Variants in ARHGEF40 observed in about 807,000 individuals in gnomAD.
The protein encoded by ARHGEF40 is Rho guanine nucleotide exchange factor (GEF) 40.
A neutral mutation model predicts 165.9 loss-of-function variants in ARHGEF40; 98 were observed. The observed-to-expected ratio is 0.59, with a 90% confidence interval of 0.50 to 0.70. The LOEUF is 0.70. Ranked by LOEUF, ARHGEF40 falls within the 30% of genes least tolerant of loss-of-function variation. The probability of loss-of-function intolerance (pLI) is 0.00; values close to 1 mark genes in which losing one functional copy is unlikely to be tolerated. For synonymous variants in ARHGEF40, 792 were observed against 814.3 expected (o/e 0.97, Z 0.47); for missense variants, 1,815 against 1,968.0 (o/e 0.92, Z 1.47).
intron 11 of ARHGEF40, among the ~76,000 whole-genome samples, chr14:21,079,692 A>G (rs1454049098): frequency 1.3e-5 from 2 of 152,138 alleles, no homozygotes; most frequent in African/African-American, 4.8e-5. Context: ...ATCAGGGGAA[A>G]GGTCACCTCA....
chr14:21,084,676 A>G lies in ARHGEF40; in HGVS notation c.3790-77A>G, dbSNP rs78734076. On this transcript the variant is annotated intron_variant, in intron 17 of 23. Coordinates refer to ENST00000298694, the MANE Select transcript of ARHGEF40 (RefSeq NM_018071.5). ...ACCAGTGCATTAGGCCACTTGCCCT[A>G]TAAATCTATTTTTGCTCCCTGTAAA... 1.7e-3 allele frequency: 2,506 copies of G among 1,507,604 alleles called. 23 individuals carry two copies. In the African/African-American group the frequency reaches 0.025, roughly 15 times the overall value. The allele number at this position is 1,507,604 out of a possible 1,614,324, so 93.4% of individuals were successfully genotyped here.
intron 20 of ARHGEF40, 95 bp from the exon 21 acceptor site, chr14:21,087,225 G>A: frequency 6.3e-7 from 1 of 1,577,090 alleles, no homozygotes; most frequent in Non-Finnish European, 8.6e-7. Flanking sequence ...AGTGGGACTG[G>A]CTGGGAGGCC....
the ARHGEF40 span, among the ~76,000 whole-genome samples, chr14:21,063,218 ATGTG>A: frequency 1.3e-5 from 2 of 149,744 alleles, no homozygotes; most frequent in Admixed American, 6.6e-5. Flanking sequence ...AGTGGTGTGT[ATGTG>A]TGTGTGTGTA....
In ARHGEF40 at chr14:21,074,457, G is replaced by T. The variant is rs1399228904; in HGVS notation, c.727G>T (p.Val243Leu). ...APVEGPEGEYVELLEVTLPVR... is the reference protein window; with the variant it reads ...APVEGPEGEYLELLEVTLPVR... ...TGTGGAAGGACCTGAGGGCGAGTAT[G>T]TGGAGCTGTTAGAGGTGACGCTGCC... The change falls in exon 3 of 24, where the codon GTG becomes TTG. Residue 243 changes from valine (V) to leucine (L), a missense_variant. By Grantham distance (32) the Val-to-Leu change is conservative (BLOSUM62 1). Coordinates refer to ENST00000298694, the MANE Select transcript of ARHGEF40 (RefSeq NM_018071.5). The surrounding 1 kb of genome is among the most constrained non-coding windows in gnomAD (Gnocchi z 4.8). The T allele has an allele frequency of 6.3e-7, 1 of 1,594,184 alleles. No homozygotes were observed.
intron 9 of ARHGEF40, 49 bp downstream of exon 9, chr14:21,078,321 G>A: frequency 6.2e-7 from 1 of 1,602,848 alleles, no homozygotes. Flanking sequence ...GATGGGGCTG[G>A]GGTGGAGACT....
At chr14:21,087,671 A>G in intron 21 of ARHGEF40, 1 of 734,880 alleles carries the variant, frequency 1.4e-6, no homozygotes, top group Non-Finnish European at 2.2e-6. Flanking sequence ...CTTCCTCTGT[A>G]CCTCTCTCTC....
chr14:21,078,777 C>T, intron 10 of ARHGEF40, 107 bp from the exon 11 acceptor site: 1 of 1,475,734 alleles, frequency 6.8e-7, no homozygotes. Flanking sequence ...GCTTTTGATC[C>T]ATGCTGCTAT....
intron 19 of ARHGEF40, chr14:21,086,413 A>G (rs1888338934): frequency 6.5e-6 from 1 of 153,084 alleles, no homozygotes; most frequent in South Asian, 2.0e-4. Flanking sequence ...TAATAAAGCA[A>G]ATGGCTGGGA....
In ARHGEF40 at chr14:21,084,863, C is replaced by T; in HGVS notation, c.3900C>T (p.Phe1300=). The part of the protein sequence containing the change: ...HVFLFEHLLL[F]SKLKGPEGGS... The stretch of plus-strand genomic sequence containing the variant: ...TTCTCTTCGAGCATCTCCTCCTGTT[C>T]AGCAAGCTCAAGGGCCCTGAAGGGG... Residue 1300 remains phenylalanine, a synonymous_variant, in exon 18 of 24, where the codon TTC becomes TTT. Transcript: ENST00000298694. 6.2e-7 allele frequency: 1 copy of T among 1,614,178 alleles called. No individual in the cohort carries two copies. The highest frequency in any genetic ancestry group is 8.5e-7 in the Non-Finnish European group (1 of 1,180,034).
Position 21,084,822 on chromosome 14 carries a change from T to G in ARHGEF40, c.3859T>G (p.Cys1287Gly). ...PFTVICGRKKCLRHVFLFEHL... is the reference protein window; with the variant it reads ...PFTVICGRKKGLRHVFLFEHL... ...CACTGTCATCTGTGGCCGAAAGAAG[T>G]GCCTTCGCCATGTCTTTCTCTTCGA... is the stretch of plus-strand genomic sequence containing the variant. The change falls in exon 18 of 24, where the codon TGC becomes GGC. Residue 1287 changes from cysteine to glycine, a missense_variant. Physicochemically the swap from Cys to Gly is radical, Grantham distance 159 (BLOSUM62 -3). Coordinates refer to ENST00000298694, the MANE Select transcript of ARHGEF40 (RefSeq NM_018071.5). 1 of 1,614,224 alleles carries G rather than the reference T, an allele frequency of 6.2e-7. No individual in the cohort carries two copies. Among genetic ancestry groups the G allele is most frequent in the Non-Finnish European group, 8.5e-7 (1 of 1,180,036 alleles).
rs1244833807 is a variant in ARHGEF40, at chr14:21,082,846, C to T, written c.3502C>T (p.Leu1168Phe). Residue 1168 changes from leucine to phenylalanine, a missense_variant, in exon 16 of 24, where the codon CTT becomes TTT. Physicochemically the swap from Leu to Phe is conservative, Grantham distance 22. Coordinates refer to ENST00000298694, the MANE Select transcript of ARHGEF40 (RefSeq NM_018071.5). The part of the protein sequence containing the change: ...CFLRHGDQFS[L>F]YAQYVKHRHK... ...ACTGGCACAGGGGGACCAGTTCAGC[C>T]TTTATGCACAGTACGTGAAGCACCG... 6.2e-7 allele frequency: 1 copy of T among 1,614,216 alleles called. No homozygotes were observed.
At chr14:21,088,256 C>T (rs1462225920) in intron 22 of ARHGEF40, among the ~76,000 whole-genome samples, 158 bp downstream of exon 22, 3 of 152,192 alleles carry the variant, frequency 2.0e-5, no homozygotes, top group African/African-American at 7.2e-5. Context: ...GTCTACCTTT[C>T]TCCTCTCCCC....
At chr14:21,070,114 C>T (rs1312006837), upstream of ARHGEF40, among the ~76,000 whole-genome samples, 1 of 151,410 alleles carries the variant, frequency 6.6e-6, no homozygotes, top group African/African-American at 2.4e-5. This position sits in a 1 kb window ranked among gnomAD's most constrained non-coding sequence, Gnocchi z 4.7. Flanking sequence ...AGGCTGGGGA[C>T]GCCCGGGGAA....
chr14:21,077,835 C>A (rs564107392), intron 8 of ARHGEF40, among the ~76,000 whole-genome samples: 13 of 152,228 alleles, frequency 8.5e-5, no homozygotes, highest in African/African-American at 3.1e-4. Context: ...CATGAATAGG[C>A]AGAGAGAGGG....
intron 12 of ARHGEF40, 35 bp from the exon 13 acceptor site, chr14:21,080,838 G>T: frequency 6.2e-7 from 1 of 1,608,920 alleles, no homozygotes; most frequent in Non-Finnish European, 8.5e-7. Flanking sequence ...ACCTAGGAGT[G>T]AGGACCAGGT....
rs767200888 is a variant in ARHGEF40 at position 21,081,510 on chromosome 14, C to T, written c.2642C>T (p.Ala881Val). 2.9e-5 allele frequency: 46 copies of T among 1,612,758 alleles called. No individual in the cohort carries two copies. The Middle Eastern group carries it at 1.5e-3, about 52-fold the overall frequency. The stretch of plus-strand genomic sequence containing the variant: ...TCCCCAACCCCTTTGACTTCGTAGG[C>T]ACATGAATGGGTGGATGAGGGCTTT... ...ALRLQRFFQQAHEWVDEGFAR... is the reference protein window; with the variant it reads ...ALRLQRFFQQVHEWVDEGFAR... The change falls in exon 14 of 24, where the codon GCA (alanine) becomes GTA (valine). Residue 881 changes from alanine to valine, a missense_variant and splice_region_variant. Transcript: ENST00000298694.
intron 16 of ARHGEF40, 140 bp from the exon 17 acceptor site, chr14:21,083,695 G>A (rs748829292): frequency 1.3e-5 from 9 of 701,364 alleles, no homozygotes; most frequent in South Asian, 7.8e-5. Flanking sequence ...AGGGAGAATG[G>A]TTTTGCCTTA....
chr14:21,065,139 C>T, the ARHGEF40 span, among the ~76,000 whole-genome samples: 149 of 151,988 alleles, frequency 9.8e-4, no homozygotes, highest in African/African-American at 3.3e-3. Flanking sequence ...CCACTGCACT[C>T]CAGCCTGGGC....
intron 8 of ARHGEF40, 121 bp downstream of exon 8, chr14:21,077,011 C>T (rs925835472): frequency 4.2e-6 from 3 of 712,844 alleles, no homozygotes; most frequent in Non-Finnish European, 7.2e-6. Context: ...GTTTCCATTC[C>T]ATTCAATTCA....
Sources: allele counts gnomAD v4.1 joint callset (sites outside exome capture counted in the v4.1 genomes callset), GRCh38; gene constraint gnomAD v4.1.1; non-coding constraint Gnocchi (gnomAD v3.1); transcripts MANE v1.5; gene names NCBI Gene and HGNC (gene_info 2026-07-23, HGNC 2026-07-21).